Variants in BICDL1 observed in about 807,000 individuals in gnomAD.
BICDL1 encodes the protein BICD family like cargo adaptor 1.
In BICDL1, 20 loss-of-function variants were observed where a neutral mutation model predicts 76.8. That is an observed-to-expected ratio of 0.26 (90% CI 0.18 to 0.38). The LOEUF (loss-of-function observed/expected upper bound fraction) is 0.38. BICDL1 is among the 10% of genes least tolerant of loss of function. The probability of loss-of-function intolerance (pLI) is 1.00; values close to 1 mark genes in which losing one functional copy is unlikely to be tolerated. For missense variants in BICDL1, 700 were observed against 798.6 expected, an observed-to-expected ratio of 0.88 and a Z score of 1.49; for synonymous variants, 383 against 337.1, an observed-to-expected ratio of 1.14 and a Z score of -1.49.
At chr12:120,090,833 G>A in intron 9 of BICDL1, 1 of 1,253,002 alleles carries the variant, frequency 8.0e-7, no homozygotes, top group Non-Finnish European at 1.0e-6. Flanking sequence ...CCCGTCCCTG[G>A]CTCCTTGGCT....
chr12:120,058,156 G>A (rs539445717), intron 2 of BICDL1, among the ~76,000 whole-genome samples: 1 of 152,228 alleles, frequency 6.6e-6, no homozygotes, highest in African/African-American at 2.4e-5. Flanking sequence ...TAAGGCTATT[G>A]TAAATTGAGA....
At chr12:120,016,985 C>T (rs550872068) in intron 2 of BICDL1, among the ~76,000 whole-genome samples, 20 of 152,176 alleles carry the variant, frequency 1.3e-4, no homozygotes, top group Non-Finnish European at 1.3e-4. Flanking sequence ...CTCTGCCTCC[C>T]GGGTTCATGC....
At chr12:120,038,135 A>G (rs1952562091) in intron 2 of BICDL1, among the ~76,000 whole-genome samples, 3 of 152,200 alleles carry the variant, frequency 2.0e-5, no homozygotes, top group South Asian at 2.1e-4. Flanking sequence ...ATGGAGTCCA[A>G]AAATAGGTGA....
At chr12:120,010,184 G>A (rs971268041) in intron 2 of BICDL1, among the ~76,000 whole-genome samples, 5 of 152,318 alleles carry the variant, frequency 3.3e-5, no homozygotes, top group Middle Eastern at 3.4e-3. Context: ...TAACTAAAGA[G>A]TATTATGCAG....
At chr12:120,059,499 C>G (rs145067443) in intron 2 of BICDL1, among the ~76,000 whole-genome samples, 49 of 152,232 alleles carry the variant, frequency 3.2e-4, no homozygotes, top group Non-Finnish European at 6.0e-4. Flanking sequence ...TGGTCTTGAA[C>G]TCCTGACCTT....
intron 2 of BICDL1, among the ~76,000 whole-genome samples, chr12:120,005,478 A>G (rs184137870): frequency 2.6e-5 from 4 of 152,194 alleles, no homozygotes; most frequent in East Asian, 1.9e-4. Flanking sequence ...GGTTTAAATG[A>G]TTCTTGTGTC....
rs569730983 is a variant in BICDL1 at position 120,024,087 on chromosome 12, C to G, written c.645+25351C>G. Among the ~76,000 whole-genome samples, 384 of 152,200 alleles carry G rather than the reference C, an allele frequency of 2.5e-3. 3 individuals carry two copies. Among genetic ancestry groups the G allele is most frequent in the African/African-American group, 8.9e-3 (370 of 41,526 alleles). ...CTGAGGTCAGGTGTTCGAGACTAGC[C>G]TGGACAACATGGTGAAACCCTGTCT... On this transcript the variant is annotated intron_variant, in intron 2 of 9. Transcript: ENST00000548673.
chr12:120,041,028 TGA>T (rs1594155037), intron 2 of BICDL1, among the ~76,000 whole-genome samples: 1 of 152,218 alleles, frequency 6.6e-6, no homozygotes, highest in East Asian at 1.9e-4. Flanking sequence ...ATTACAGGTA[TGA>T]GCCACTGCTC....
chr12:120,060,141 A>G (rs1953073044), intron 2 of BICDL1, among the ~76,000 whole-genome samples: 1 of 152,248 alleles, frequency 6.6e-6, no homozygotes. Flanking sequence ...CAATTAGCAC[A>G]GTTCTTGACA....
chr12:120,064,243 G>A lies in BICDL1; in HGVS notation c.763-490G>A, dbSNP rs370968071. ...TGAGCTGTGACCTCTAGTGCCAGAG[G>A]GGCCAGGAGCGGGGAAAGGAAGACG... On this transcript the variant is annotated intron_variant, in intron 3 of 9. Coordinates refer to ENST00000548673, the MANE Select transcript of BICDL1 (RefSeq NM_001367886.1). Among the ~76,000 whole-genome samples, 3 of 152,072 alleles carry A rather than the reference G, an allele frequency of 2.0e-5. No homozygotes were observed. In the East Asian group the frequency reaches 5.8e-4, roughly 29 times the overall value.
intron 4 of BICDL1, among the ~76,000 whole-genome samples, chr12:120,069,279 T>G (rs1429266633): frequency 6.6e-6 from 1 of 152,202 alleles, no homozygotes; most frequent in Non-Finnish European, 1.5e-5. Context: ...AGAAAAGGAC[T>G]GAGAGAGAAC....
intron 2 of BICDL1, among the ~76,000 whole-genome samples, chr12:120,055,767 C>A (rs778339523): frequency 1.1e-4 from 17 of 152,156 alleles, no homozygotes; most frequent in Non-Finnish European, 1.6e-4. Context: ...TAAAACATTG[C>A]ATAATACCCA....
intron 1 of BICDL1, among the ~76,000 whole-genome samples, chr12:119,994,916 T>C (rs192258499): frequency 6.6e-6 from 1 of 152,340 alleles, no homozygotes; most frequent in African/African-American, 2.4e-5. Flanking sequence ...ACATCCGCCA[T>C]AATTATTGAA....
chr12:120,025,244 G>A (rs892465755), intron 2 of BICDL1, among the ~76,000 whole-genome samples: 1 of 151,358 alleles, frequency 6.6e-6, no homozygotes, highest in Non-Finnish European at 1.5e-5. Flanking sequence ...TAGAGATGGG[G>A]TTTCACCGTG....
chr12:120,017,596 G>T (rs1952092053), intron 2 of BICDL1, among the ~76,000 whole-genome samples: 1 of 152,048 alleles, frequency 6.6e-6, no homozygotes, highest in Non-Finnish European at 1.5e-5. Flanking sequence ...GCTGGGCATG[G>T]TGGCACAGGT....
At chr12:119,999,872 C>G in intron 2 of BICDL1, 1 of 407,072 alleles carries the variant, frequency 2.5e-6, no homozygotes, top group South Asian at 1.8e-5. Context: ...TATCATCCCT[C>G]AGCACTGATG....
intron 2 of BICDL1, among the ~76,000 whole-genome samples, chr12:120,048,521 G>C (rs1300695065): frequency 6.6e-6 from 1 of 152,012 alleles, no homozygotes; most frequent in Non-Finnish European, 1.5e-5. Context: ...CACATTGCCT[G>C]TCTGATGTGG....
chr12:120,026,956 G>A (rs144450887), intron 2 of BICDL1, among the ~76,000 whole-genome samples: 2 of 151,964 alleles, frequency 1.3e-5, no homozygotes, highest in East Asian at 1.9e-4. Context: ...GGAAAACTGG[G>A]ATCATAGAAA....
intron 2 of BICDL1, among the ~76,000 whole-genome samples, chr12:120,055,689 G>T (rs1270543685): frequency 6.6e-6 from 1 of 152,186 alleles, no homozygotes; most frequent in Non-Finnish European, 1.5e-5. Flanking sequence ...GAAAGTAAAA[G>T]AGACTTAAGT....
Sources: allele counts gnomAD v4.1 joint callset (sites outside exome capture counted in the v4.1 genomes callset), GRCh38; gene constraint gnomAD v4.1.1; transcripts MANE v1.5; gene names NCBI Gene and HGNC (gene_info 2026-07-23, HGNC 2026-07-21).